MAP2: variants seen among roughly 807,000 people sequenced by gnomAD.
MAP2 encodes microtubule associated protein 2.
A neutral mutation model predicts 137.6 loss-of-function variants in MAP2; 14 were observed. That is an observed-to-expected ratio of 0.10 (90% confidence interval 0.07 to 0.16). The LOEUF (loss-of-function observed/expected upper bound fraction) is 0.16, where lower values mean the gene tolerates loss of function less well. MAP2 is among the 10% of genes least tolerant of loss of function. MAP2 has a pLI of 1.00. For missense variants in MAP2, 2,088 were observed against 2,191.5 expected, an observed-to-expected ratio of 0.95 and a Z score of 0.94; for synonymous variants, 786 against 782.3, an observed-to-expected ratio of 1.00 and a Z score of -0.08.
intron 5 of MAP2, among the ~76,000 whole-genome samples, chr2:209,660,079 G>A (rs1363313375): frequency 6.6e-6 from 1 of 151,896 alleles, no homozygotes; most frequent in Non-Finnish European, 1.5e-5. Context: ...CCTACGTGAC[G>A]ATCAAAGGCC....
At position 209,424,073 on chromosome 2, in the gene MAP2, C is replaced by A. The variant is rs1691851374; in HGVS notation, c.-425C>A. 1.3e-5 allele frequency: 2 copies of A among 158,666 alleles called. No individual in the cohort carries two copies. Among genetic ancestry groups the A allele is most frequent in the South Asian group, 3.5e-4 (2 of 5,770 alleles). 9.8% of individuals were successfully genotyped at this position (158,666 alleles called of 1,614,324 possible). ...GTCTGGGGCGGGCGCTCGGGCTGCGCGGGCTCTGGGCAGCAGCAGCAGCAG... is the reference window on the plus strand; with the variant it reads ...GTCTGGGGCGGGCGCTCGGGCTGCGAGGGCTCTGGGCAGCAGCAGCAGCAG... On this transcript the variant is annotated 5_prime_UTR_variant, in exon 1 of 16. Transcript: ENST00000682079.
At chr2:209,540,624 C>A (rs1263175127) in intron 2 of MAP2, among the ~76,000 whole-genome samples, 1 of 60,802 alleles carries the variant, frequency 1.6e-5, no homozygotes, top group African/African-American at 1.2e-4. Context: ...GAGTGAGACT[C>A]CGTCTCAAAA....
intron 2 of MAP2, among the ~76,000 whole-genome samples, chr2:209,528,856 G>A (rs140083086): frequency 0.024 from 3,322 of 139,744 alleles, 127 homozygotes; most frequent in African/African-American, 0.084. Flanking sequence ...ATGTGTGTGT[G>A]TATATGTGTG....
intron 3 of MAP2, among the ~76,000 whole-genome samples, chr2:209,583,188 T>C (rs1173400437): frequency 6.6e-6 from 1 of 152,016 alleles, no homozygotes; most frequent in African/African-American, 2.4e-5. Context: ...TATCTATCTG[T>C]CTATCCTATC....
intron 1 of MAP2, among the ~76,000 whole-genome samples, chr2:209,429,694 A>T (rs559233894): frequency 1.3e-5 from 2 of 152,300 alleles, no homozygotes; most frequent in South Asian, 4.1e-4. Flanking sequence ...ACTCACAAGT[A>T]AATATACAAA....
intron 5 of MAP2, among the ~76,000 whole-genome samples, chr2:209,660,457 G>A (rs1447542801): frequency 7.4e-6 from 1 of 134,246 alleles, no homozygotes; most frequent in Non-Finnish European, 1.5e-5. Context: ...GCAGTGGCGC[G>A]ATCTCGGCAC....
chr2:209,502,660 C>T (rs1309577245), intron 1 of MAP2, among the ~76,000 whole-genome samples: 1 of 152,138 alleles, frequency 6.6e-6, no homozygotes, highest in Non-Finnish European at 1.5e-5. Flanking sequence ...TGAGGTACCT[C>T]CTTACTGTTT....
chr2:209,639,156 C>T (rs1408411638), intron 4 of MAP2, among the ~76,000 whole-genome samples: 2 of 152,052 alleles, frequency 1.3e-5, no homozygotes, highest in Non-Finnish European at 1.5e-5. Context: ...AGGCATGAAC[C>T]ACCATGCCTG....
chr2:209,597,194 A>G (rs1378745387), intron 3 of MAP2, among the ~76,000 whole-genome samples: 1 of 152,146 alleles, frequency 6.6e-6, no homozygotes, highest in Non-Finnish European at 1.5e-5. Context: ...ATCTTATAAT[A>G]TATTTCTATT....
At chr2:209,523,279 A>T (rs768475995) in intron 2 of MAP2, among the ~76,000 whole-genome samples, 2 of 152,102 alleles carry the variant, frequency 1.3e-5, no homozygotes, top group Non-Finnish European at 2.9e-5. Flanking sequence ...GATTAATTAG[A>T]TTCCTAGTTG....
rs1366655499 is a variant in MAP2, at chr2:209,562,087, A to T, written c.-171-17949A>T. Among the ~76,000 whole-genome samples the T allele has an allele frequency of 3.3e-5, 5 of 152,330 alleles. No individual in the cohort carries two copies. In the East Asian group the frequency reaches 9.6e-4, roughly 29 times the overall value. On this transcript the variant is annotated intron_variant, in intron 2 of 15. Transcript: ENST00000682079. The stretch of plus-strand genomic sequence containing the variant: ...TATACTTAAGGGTCATGAAAGATAT[A>T]TTGATGTTCCCCAAATTAACAGTGC...
intron 4 of MAP2, among the ~76,000 whole-genome samples, chr2:209,630,723 C>G (rs1288996749): frequency 6.6e-6 from 1 of 151,792 alleles, no homozygotes; most frequent in Non-Finnish European, 1.5e-5. Flanking sequence ...AGCCAGCCTC[C>G]AAGGGAAAGA....
chr2:209,652,836 A>G (rs1450951352), intron 4 of MAP2, among the ~76,000 whole-genome samples: 1 of 151,964 alleles, frequency 6.6e-6, no homozygotes. Context: ...AATGCCAAAC[A>G]CTAGTTTTTT....
chr2:209,618,086 C>T (rs561965534), intron 3 of MAP2, among the ~76,000 whole-genome samples: 4 of 151,848 alleles, frequency 2.6e-5, no homozygotes, highest in African/African-American at 7.2e-5. Flanking sequence ...ATATAAGAAA[C>T]GAGAACCATA....
At chr2:209,710,406 G>T in intron 13 of MAP2, 152 bp downstream of exon 13, 1 of 669,700 alleles carries the variant, frequency 1.5e-6, no homozygotes. Flanking sequence ...ACATTAGGAA[G>T]ATAGCCTCTG....
intron 1 of MAP2, among the ~76,000 whole-genome samples, chr2:209,495,387 C>A (rs775266053): frequency 6.6e-6 from 1 of 152,230 alleles, no homozygotes; most frequent in African/African-American, 2.4e-5. Context: ...TGCCTCATAA[C>A]GGGGAGATAC....
Position 209,678,601 on chromosome 2 carries a change from G to T in MAP2, c.292G>T (p.Val98Phe). ...EEVSARIVQVVTAEAVAVLKG... is the reference protein window; with the variant it reads ...EEVSARIVQVFTAEAVAVLKG... ...GGTGTCTGCAAGGATAGTTCAAGTAGTCACTGCTGAGGCTGTAGCAGTCCT... is the reference window on the plus strand; with the variant it reads ...GGTGTCTGCAAGGATAGTTCAAGTATTCACTGCTGAGGCTGTAGCAGTCCT... The change falls in exon 6 of 16, where the codon GTC becomes TTC. Residue 98 changes from valine (V) to phenylalanine (F), a missense_variant. By Grantham distance (50) the Val-to-Phe change is conservative. This residue lies in a region of MAP2 where 859 missense variants were observed against 794.5 expected (regional missense o/e 1.08). Coordinates refer to ENST00000682079, the MANE Select transcript of MAP2 (RefSeq NM_001375505.1). 6.2e-7 allele frequency: 1 copy of T among 1,600,444 alleles called. No homozygotes were observed. Among genetic ancestry groups the T allele is most frequent in the Non-Finnish European group, 8.5e-7 (1 of 1,172,738 alleles).
Position 209,696,586 on chromosome 2 carries a change from A to G in MAP2, c.4225A>G (p.Lys1409Glu). ...IMTEQLETIP[K>E]EEKAEKEARR... ...GACAGAACAGTTAGAAACTATTCCT[A>G]AAGAGGAGAAAGCTGAAAAGGAAGC... The change falls in exon 9 of 16, where the codon AAA (lysine) becomes GAA (glutamate). Residue 1409 changes from lysine to glutamate, a missense_variant. Lys to Glu is a moderately conservative substitution (Grantham distance 56, BLOSUM62 1). Transcript: ENST00000682079. 1 of 1,613,872 alleles carries G rather than the reference A, an allele frequency of 6.2e-7. No individual in the cohort carries two copies. The highest frequency in any genetic ancestry group is 8.5e-7 in the Non-Finnish European group (1 of 1,179,928).
At chr2:209,463,863 G>T (rs945727077) in intron 1 of MAP2, among the ~76,000 whole-genome samples, 1 of 152,174 alleles carries the variant, frequency 6.6e-6, no homozygotes, top group Non-Finnish European at 1.5e-5. Flanking sequence ...AGGAGAGACT[G>T]TAGATTCAGT....
Sources: gnomAD v4.1 joint callset for allele counts (sites outside exome capture counted in the v4.1 genomes callset) on GRCh38, gnomAD v4.1.1 for gene constraint, gnomAD v4.1.1 regional missense constraint, MANE v1.5 for transcripts, NCBI Gene and HGNC (gene_info 2026-07-23, HGNC 2026-07-21) for gene names.